Variants in FBXO47 observed in about 807,000 individuals in gnomAD.
FBXO47 encodes F-box only protein 47.
Under a neutral mutation model 53.9 loss-of-function variants are expected in FBXO47, and 34 were observed. The observed-to-expected ratio is 0.63, with a 90% CI of 0.48 to 0.84. The LOEUF (loss-of-function observed/expected upper bound fraction) is 0.84. Ranked by LOEUF, FBXO47 falls within the 40% of genes least tolerant of loss-of-function variation. The probability of loss-of-function intolerance (pLI) is 0.00; values close to 1 mark genes in which losing one functional copy is unlikely to be tolerated. For synonymous variants in FBXO47, 165 were observed against 181.6 expected, an observed-to-expected ratio of 0.91 and a Z score of 0.73; for missense variants, 485 against 541.3, an observed-to-expected ratio of 0.90 and a Z score of 1.03.
Position 38,943,660 on chromosome 17 carries a change from C to T in FBXO47, c.870G>A (p.Lys290=), listed in dbSNP as rs142030222. 9 of 1,610,634 alleles carry T rather than the reference C, an allele frequency of 5.6e-6. No homozygotes were observed. The African/African-American group carries it at 1.1e-4, about 19-fold the overall frequency. ...FSLKGLADAI[K]LLYDASTKEW... Reference sequence around the variant, plus strand: ...CTTTAGTGCTAGCGTCATATAGTAACTTAATGGCATCAGCCAAACCTTTCA... The same window carrying T: ...CTTTAGTGCTAGCGTCATATAGTAATTTAATGGCATCAGCCAAACCTTTCA... The change falls in exon 8 of 11, where the codon AAG becomes AAA. Residue 290 remains lysine, a synonymous_variant. Coordinates refer to ENST00000378079, the MANE Select transcript of FBXO47 (RefSeq NM_001008777.3).
At chr17:38,964,465 G>A (rs1905988121) in intron 1 of FBXO47, among the ~76,000 whole-genome samples, 1 of 152,084 alleles carries the variant, frequency 6.6e-6, no homozygotes, top group Admixed American at 6.6e-5. Context: ...GGATGGCAGT[G>A]TGCACCTGTA....
intron 3 of FBXO47, among the ~76,000 whole-genome samples, chr17:38,957,895 G>A (rs745710335): frequency 6.6e-6 from 1 of 151,808 alleles, no homozygotes; most frequent in South Asian, 2.1e-4. Context: ...GTGCAGTGGC[G>A]TGATCTCCGC....
intron 6 of FBXO47, among the ~76,000 whole-genome samples, chr17:38,947,335 T>G (rs1016796230): frequency 6.6e-6 from 1 of 151,834 alleles, no homozygotes; most frequent in Non-Finnish European, 1.5e-5. Context: ...ATGTTGCTGT[T>G]GTTGATAGAC....
chr17:38,945,935 C>CAA lies in FBXO47; in HGVS notation c.617-801_617-800dup, dbSNP rs34412322. Among the ~76,000 whole-genome samples, 857 of 94,426 alleles carry CAA rather than the reference C, an allele frequency of 9.1e-3. 22 individuals are homozygous for CAA. The highest frequency in any genetic ancestry group is 0.027 in the African/African-American group (579 of 21,452). The allele number at this position is 94,426 out of a possible 152,430, so 61.9% of individuals were successfully genotyped here. ...TGGGTGACAGAGCGAGACTCTGGCT[C>CAA]AAAAAAAAAAAAAATATATATATAT... On this transcript the variant is annotated intron_variant, in intron 6 of 10. Coordinates refer to ENST00000378079, the MANE Select transcript of FBXO47 (RefSeq NM_001008777.3).
Position 38,945,153 on chromosome 17 carries a change from A to T in FBXO47, c.617-17T>A, listed in dbSNP as rs1410521103. On this transcript the variant is annotated splice_polypyrimidine_tract_variant and intron_variant, in intron 6 of 10. Transcript: ENST00000378079. The stretch of plus-strand genomic sequence containing the variant: ...GGGCACTTCCTATGAAGACAAAAGA[A>T]TTGTAAATCATTCTTCGTAGAAAGG... 1 of 1,570,162 alleles carries T rather than the reference A, an allele frequency of 6.4e-7. No individual in the cohort carries two copies. Among genetic ancestry groups the T allele is most frequent in the South Asian group, 1.1e-5 (1 of 89,984 alleles).
At chr17:38,944,939 C>T in intron 7 of FBXO47, 21 bp downstream of exon 7, 1 of 1,604,298 alleles carries the variant, frequency 6.2e-7, no homozygotes, top group South Asian at 1.1e-5. Context: ...TATGTTACAA[C>T]CCTGAAAGAT....
At chr17:38,953,829 T>A (rs73301133) in intron 5 of FBXO47, among the ~76,000 whole-genome samples, 1 of 151,816 alleles carries the variant, frequency 6.6e-6, no homozygotes, top group Non-Finnish European at 1.5e-5. Flanking sequence ...AAGAAAGAAA[T>A]AAGTAAAAAA....
intron 1 of FBXO47, among the ~76,000 whole-genome samples, chr17:38,964,903 C>T (rs964906845): frequency 2.0e-5 from 3 of 152,072 alleles, no homozygotes; most frequent in African/African-American, 4.8e-5. Flanking sequence ...CTGCAACCTC[C>T]CCCTCCCAGG....
chr17:38,942,964 A>T (rs1275113659), intron 8 of FBXO47, 44 bp from the exon 9 acceptor site: 1 of 1,504,318 alleles, frequency 6.6e-7, no homozygotes, highest in Non-Finnish European at 9.1e-7. Flanking sequence ...AAATCACACA[A>T]CAGCTATAGT....
chr17:38,945,198 G>T, intron 6 of FBXO47, 62 bp from the exon 7 acceptor site: 1 of 1,213,534 alleles, frequency 8.2e-7, no homozygotes, highest in Non-Finnish European at 1.2e-6. Context: ...ATATTGAATA[G>T]TGATCAAAGC....
intron 9 of FBXO47, 66 bp downstream of exon 9, chr17:38,942,712 G>A (rs1401132214): frequency 4.6e-6 from 6 of 1,299,006 alleles, no homozygotes; most frequent in Non-Finnish European, 5.4e-6. Context: ...GTTCCTTCAG[G>A]GCAGCTCCCT....
At chr17:38,942,550 C>T (rs1474217724) in intron 9 of FBXO47, among the ~76,000 whole-genome samples, 1 of 152,070 alleles carries the variant, frequency 6.6e-6, no homozygotes, top group Non-Finnish European at 1.5e-5. Flanking sequence ...GCCGAGATCG[C>T]ACCACTGCAC....
chr17:38,959,238 T>C (rs1303912611), intron 3 of FBXO47, among the ~76,000 whole-genome samples: 2 of 151,934 alleles, frequency 1.3e-5, no homozygotes, highest in African/African-American at 2.4e-5. Context: ...TCAGATGTAA[T>C]GTTCTTTCCA....
At chr17:38,946,130 A>G (rs1206058770) in intron 6 of FBXO47, among the ~76,000 whole-genome samples, 1 of 113,754 alleles carries the variant, frequency 8.8e-6, no homozygotes, top group Non-Finnish European at 1.7e-5. Context: ...AAATATATAT[A>G]CATATATAAA....
rs1163119253 is a variant in FBXO47 at position 38,943,682 on chromosome 17, T to C, written c.848A>G (p.Lys283Arg). Residue 283 changes from lysine to arginine, a missense_variant, in exon 8 of 11, where the codon AAA becomes AGA. Physicochemically the swap from Lys to Arg is conservative, Grantham distance 26 (BLOSUM62 2). Coordinates refer to ENST00000378079, the MANE Select transcript of FBXO47 (RefSeq NM_001008777.3). ...TAACTTAATGGCATCAGCCAAACCTTTCAGACTGAATTCATCTGTAGGTTC... is the reference window on the plus strand; with the variant it reads ...TAACTTAATGGCATCAGCCAAACCTCTCAGACTGAATTCATCTGTAGGTTC... ...IEEPTDEFSL[K>R]GLADAIKLLY... 10 of 1,611,168 alleles carry C rather than the reference T, an allele frequency of 6.2e-6. No individual in the cohort carries two copies. The South Asian group carries it at 7.7e-5, about 12-fold the overall frequency.
At position 38,945,019 on chromosome 17, in the gene FBXO47, G is replaced by A. The variant is rs1904687029; in HGVS notation, c.734C>T (p.Pro245Leu). 6.2e-7 allele frequency: 1 copy of A among 1,614,006 alleles called. No homozygotes were observed. The stretch of plus-strand genomic sequence containing the variant: ...CAGTAATCTTGCCTGATTCACCATT[G>A]GCCATGGTTTTAATATTCGCGTCAA... ...FWLTRILKPW[P>L]MVNQARLLYI... Residue 245 changes from proline (P) to leucine (L), a missense_variant, in exon 7 of 11, where the codon CCA (proline) becomes CTA (leucine). Pro to Leu is a moderately conservative substitution (Grantham distance 98). Coordinates refer to ENST00000378079, the MANE Select transcript of FBXO47 (RefSeq NM_001008777.3).
intron 4 of FBXO47, 26 bp from the exon 5 acceptor site, chr17:38,954,959 T>C (rs375223374): frequency 3.7e-5 from 55 of 1,482,428 alleles, no homozygotes; most frequent in South Asian, 4.8e-5. Context: ...TGTTAATACC[T>C]CCTTGTCAGT....
chr17:38,962,909 T>C lies in FBXO47; in HGVS notation c.117A>G (p.Ser39=). 2 of 1,613,372 alleles carry C rather than the reference T, an allele frequency of 1.2e-6. No homozygotes were observed. The highest frequency in any genetic ancestry group is 1.7e-6 in the Non-Finnish European group (2 of 1,179,502). The change falls in exon 2 of 11, where the codon TCA becomes TCG. Residue 39 remains serine, a synonymous_variant. Coordinates refer to ENST00000378079, the MANE Select transcript of FBXO47 (RefSeq NM_001008777.3). ...KTLGSGFQPI[S]TFGNFKALPL... ...GTAAGGCTTTAAAATTTCCAAATGTTGATATGGGTTGAAAGCCTGAGCCAA... is the reference window on the plus strand; with the variant it reads ...GTAAGGCTTTAAAATTTCCAAATGTCGATATGGGTTGAAAGCCTGAGCCAA...
chr17:38,940,534 A>G (rs1028445226), intron 9 of FBXO47, among the ~76,000 whole-genome samples: 1 of 151,466 alleles, frequency 6.6e-6, no homozygotes, highest in African/African-American at 2.4e-5. Flanking sequence ...ACCTCCTGCT[A>G]CTCTTCTGCA....
Sources: gnomAD v4.1 joint callset for allele counts (sites outside exome capture counted in the v4.1 genomes callset) on GRCh38, gnomAD v4.1.1 for gene constraint, MANE v1.5 for transcripts, NCBI Gene and HGNC (gene_info 2026-07-23, HGNC 2026-07-21) for gene names.